The following MNAT1 variants were observed in gnomAD, a reference collection of about 807,000 sequenced individuals.
The protein encoded by MNAT1 is CDK-activating kinase assembly factor MAT1.
A neutral mutation model predicts 42.0 loss-of-function variants in MNAT1; 43 were observed. The ratio of observed to expected loss-of-function variants is 1.02; its 90% CI spans 0.80 to 1.32. The LOEUF is 1.32. MNAT1 is among the 40% of genes most tolerant of loss of function. MNAT1 has a pLI of 0.00. For missense variants in MNAT1, 306 were observed against 350.4 expected (o/e 0.87, Z 1.01); for synonymous variants, 118 against 120.0 (o/e 0.98, Z 0.11).
At chr14:60,870,835 A>T (rs1005570491) in intron 6 of MNAT1, among the ~76,000 whole-genome samples, 1 of 152,200 alleles carries the variant, frequency 6.6e-6, no homozygotes, top group Non-Finnish European at 1.5e-5. Flanking sequence ...CCATTTCAGT[A>T]ATCCAATTTT....
chr14:60,784,201 T>TTTTTTTTTTTTTTTTTTC (rs1435948099), intron 1 of MNAT1, among the ~76,000 whole-genome samples: 1 of 143,868 alleles, frequency 7.0e-6, no homozygotes, highest in African/African-American at 2.6e-5. Context: ...TTTTTTTTTT[T>TTTTTTTTTTTTTTTTTTC]TTAGTAGAGG....
At chr14:60,747,413 G>T (rs2029884303) in intron 1 of MNAT1, among the ~76,000 whole-genome samples, 1 of 152,144 alleles carries the variant, frequency 6.6e-6, no homozygotes, top group Non-Finnish European at 1.5e-5. Flanking sequence ...AAGCTATAAG[G>T]TGTAGCTTAT....
chr14:60,956,889 GAGT>G (rs2036496973), intron 7 of MNAT1, among the ~76,000 whole-genome samples: 1 of 152,080 alleles, frequency 6.6e-6, no homozygotes, highest in African/African-American at 2.4e-5. Flanking sequence ...AATGTGAAGT[GAGT>G]CTCTTTCAGG....
chr14:60,886,658 AT>A (rs916137507), intron 7 of MNAT1, among the ~76,000 whole-genome samples: 107 of 149,038 alleles, frequency 7.2e-4, no homozygotes, highest in African/African-American at 2.2e-3. Flanking sequence ...TAATGTTTTG[AT>A]TTTTTTTTCA....
intron 7 of MNAT1, among the ~76,000 whole-genome samples, chr14:60,906,351 C>CGA (rs2035199993): frequency 5.9e-5 from 9 of 152,210 alleles, no homozygotes; most frequent in Admixed American, 5.2e-4. Context: ...GAATTTTGAA[C>CGA]AGAAGTTGCC....
intron 3 of MNAT1, among the ~76,000 whole-genome samples, chr14:60,802,881 C>T (rs987292884): frequency 1.3e-5 from 2 of 151,642 alleles, no homozygotes; most frequent in Admixed American, 1.3e-4. Flanking sequence ...GAGTGTGGCT[C>T]CACCACTTAG....
At chr14:60,815,030 T>C (rs2032667145) in intron 5 of MNAT1, among the ~76,000 whole-genome samples, 1 of 152,148 alleles carries the variant, frequency 6.6e-6, no homozygotes, top group African/African-American at 2.4e-5. Flanking sequence ...TATCATTTTA[T>C]ACAAAGAGTT....
intron 7 of MNAT1, among the ~76,000 whole-genome samples, chr14:60,888,208 T>C (rs2034731116): frequency 7.0e-6 from 1 of 142,134 alleles, no homozygotes; most frequent in Non-Finnish European, 1.5e-5. Context: ...AATAAAATAT[T>C]GGCAAACCGA....
At chr14:60,887,476 C>T (rs1354459580) in intron 7 of MNAT1, among the ~76,000 whole-genome samples, 21 of 145,072 alleles carry the variant, frequency 1.4e-4, no homozygotes, top group Non-Finnish European at 8.9e-5. Flanking sequence ...TGAGTGAGAA[C>T]ATGTGGTGTT....
At chr14:60,837,441 C>G (rs2033423956) in intron 6 of MNAT1, among the ~76,000 whole-genome samples, 1 of 152,158 alleles carries the variant, frequency 6.6e-6, no homozygotes, top group African/African-American at 2.4e-5. Flanking sequence ...CCTCACGGTG[C>G]AGTCCCTCAT....
At chr14:60,888,785 G>T (rs908746117) in intron 7 of MNAT1, among the ~76,000 whole-genome samples, 1 of 124,380 alleles carries the variant, frequency 8.0e-6, no homozygotes, top group African/African-American at 3.0e-5. Context: ...AAAATCACAA[G>T]CATTCTTATA....
rs1054859095 is a variant in MNAT1, at chr14:60,944,788, A to G, written c.810-23441A>G. Reference sequence around the variant, plus strand: ...AGGCACTTTAATTTCACTTTCTAGAACTCATAATTTTCTAGGAGAAATTAT... The same window carrying G: ...AGGCACTTTAATTTCACTTTCTAGAGCTCATAATTTTCTAGGAGAAATTAT... On this transcript the variant is annotated intron_variant, in intron 7 of 7. Coordinates refer to ENST00000261245, the MANE Select transcript of MNAT1 (RefSeq NM_002431.4). 5.9e-5 allele frequency among the ~76,000 whole-genome samples: 9 copies of G among 152,198 alleles called. No homozygotes were observed. In the East Asian group the frequency reaches 1.7e-3, roughly 29 times the overall value.
At chr14:60,915,893 A>G (rs548092230) in intron 7 of MNAT1, among the ~76,000 whole-genome samples, 40 of 152,316 alleles carry the variant, frequency 2.6e-4, no homozygotes, top group African/African-American at 9.4e-4. Context: ...AAGCAATAGT[A>G]TTCTTACTGT....
Position 60,780,214 on chromosome 14 carries a change from T to C in MNAT1, c.90-16003T>C, listed in dbSNP as rs151264549. On this transcript the variant is annotated intron_variant, in intron 1 of 7. Transcript: ENST00000261245. ...AACTAAAAGATTGGTTATACAAGTG[T>C]TCAGTTCAGAAACTGGTTGTAGTTA... The C allele has an allele frequency of 3.6e-5, 53 of 1,452,860 alleles. 1 individual carries two copies. The highest frequency in any genetic ancestry group is 4.9e-5 in the Non-Finnish European group (51 of 1,033,062). 90.0% of individuals were successfully genotyped at this position (1,452,860 alleles called of 1,614,324 possible). A position where few individuals can be genotyped will look rare whatever the true frequency, so the allele number is the denominator to read the frequency against.
intron 6 of MNAT1, among the ~76,000 whole-genome samples, chr14:60,837,250 T>G (rs765284953): frequency 1.3e-5 from 2 of 152,142 alleles, no homozygotes; most frequent in African/African-American, 2.4e-5. Context: ...TCTCTGTCAT[T>G]CCAGGCACCA....
intron 6 of MNAT1, among the ~76,000 whole-genome samples, chr14:60,837,652 G>T (rs1351421550): frequency 6.6e-6 from 1 of 152,212 alleles, no homozygotes; most frequent in Non-Finnish European, 1.5e-5. Context: ...GCAGACAGGA[G>T]CTGTTCCTAT....
chr14:60,823,432 T>G (rs1021818730), intron 6 of MNAT1, among the ~76,000 whole-genome samples: 3 of 152,208 alleles, frequency 2.0e-5, no homozygotes. Flanking sequence ...CATATAGATT[T>G]GGAGAGGAAA....
rs1896254209 is a variant in MNAT1 at position 60,734,783 on chromosome 14, G to C, written c.-80G>C. On this transcript the variant is annotated 5_prime_UTR_variant, in exon 1 of 8. Transcript: ENST00000261245. The surrounding 1 kb of genome is among the most constrained non-coding windows in gnomAD (Gnocchi z 4.3). ...GCCAAGCGCCTGTTGGTAGGAACCT[G>C]CTTGGTCGCGTCTGAGGGGGCTTGT... The C allele has an allele frequency of 5.9e-6, 8 of 1,350,150 alleles. No homozygotes were observed. The South Asian group carries it at 9.5e-5, about 16-fold the overall frequency. 83.6% of individuals were successfully genotyped at this position (1,350,150 alleles called of 1,614,324 possible).
intron 1 of MNAT1, among the ~76,000 whole-genome samples, chr14:60,741,423 G>A (rs1009602386): frequency 6.6e-6 from 1 of 151,786 alleles, no homozygotes; most frequent in Non-Finnish European, 1.5e-5. Context: ...GCAGTGGCGC[G>A]ATCTCAGCTC....
Sources: gnomAD v4.1 joint callset for allele counts (sites outside exome capture counted in the v4.1 genomes callset) on GRCh38, gnomAD v4.1.1 for gene constraint, Gnocchi (gnomAD v3.1) non-coding constraint, MANE v1.5 for transcripts, NCBI Gene and HGNC (gene_info 2026-07-23, HGNC 2026-07-21) for gene names.